The following RTN4 variants were observed in gnomAD, a reference collection of about 807,000 sequenced individuals.
RTN4 encodes the protein reticulon-4.
In RTN4, 32 loss-of-function variants were observed where a neutral mutation model predicts 90.4. That is an observed-to-expected ratio of 0.35 (90% CI 0.27 to 0.48). The LOEUF is 0.48. RTN4 is among the 20% of genes least tolerant of loss of function. RTN4 has a pLI of 0.99. For missense variants in RTN4, 1,706 were observed against 1,430.2 expected, an observed-to-expected ratio of 1.19 and a Z score of -3.11; for synonymous variants, 629 against 552.5, an observed-to-expected ratio of 1.14 and a Z score of -1.94.
At position 55,049,490 on chromosome 2, in the gene RTN4, A is replaced by G. The variant is rs1261511012; in HGVS notation, c.556+255T>C. The G allele has an allele frequency of 3.3e-5, 18 of 547,490 alleles. No homozygotes were observed. The Admixed American group carries it at 5.7e-4, about 17-fold the overall frequency. 33.9% of individuals were successfully genotyped at this position (547,490 alleles called of 1,614,324 possible). A position where few individuals can be genotyped will look rare whatever the true frequency, so the allele number is the denominator to read the frequency against. The stretch of plus-strand genomic sequence containing the variant: ...AGAATCCGTACGCTGGGCATCACAC[A>G]GGGTGAAAGTGGGAGCCGGGAGCGG... On this transcript the variant is annotated intron_variant, in intron 1 of 8. Transcript: ENST00000337526.
At chr2:54,980,484 TAA>T (rs1381440156) in intron 5 of RTN4, among the ~76,000 whole-genome samples, 3 of 152,250 alleles carry the variant, frequency 2.0e-5, no homozygotes, top group African/African-American at 7.2e-5. Flanking sequence ...AGATCAATTT[TAA>T]AAATAGATTT....
At chr2:55,129,839 G>A in the RTN4 span, among the ~76,000 whole-genome samples, 1 of 152,102 alleles carries the variant, frequency 6.6e-6, no homozygotes, top group African/African-American at 2.4e-5. Context: ...GCAATTACAG[G>A]CGTGAGCCAC....
At chr2:55,055,883 A>G (rs945312570) in intron 2 of RTN4, among the ~76,000 whole-genome samples, 5 of 152,080 alleles carry the variant, frequency 3.3e-5, no homozygotes, top group South Asian at 4.1e-4. Context: ...TCTAGTTTAC[A>G]TAAGAATGTA....
At chr2:55,003,726 A>T (rs1369218652) in intron 3 of RTN4, among the ~76,000 whole-genome samples, 2 of 152,232 alleles carry the variant, frequency 1.3e-5, no homozygotes, top group Non-Finnish European at 2.9e-5. Flanking sequence ...TGATGACTGC[A>T]TCTGTAACTA....
rs1668041375 is a variant in RTN4 at position 55,050,398 on chromosome 2, G to GGGCTGGGCC, written c.-107_-99dup. The GGGCTGGGCC allele has an allele frequency of 3.0e-6, 2 of 671,402 alleles. No homozygotes were observed. The highest frequency in any genetic ancestry group is 4.5e-6 in the Non-Finnish European group (2 of 446,230). The allele number at this position is 671,402 out of a possible 1,614,324, so 41.6% of individuals were successfully genotyped here. ...TGTGGGGGTTGGGGAGGACTGAGAG[G>GGGCTGGGCC]GGCTGGGCCGACTGAGCCGAGGGAC... On this transcript the variant is annotated 5_prime_UTR_variant, in exon 1 of 9. Transcript: ENST00000337526. This position sits in a 1 kb window ranked among gnomAD's most constrained non-coding sequence, Gnocchi z 4.6.
chr2:55,071,340 G>A (rs1173505511), intron 2 of RTN4, among the ~76,000 whole-genome samples: 7 of 151,664 alleles, frequency 4.6e-5, no homozygotes, highest in African/African-American at 7.3e-5. Flanking sequence ...CCTTCTGTAC[G>A]GGTGATTATA....
intron 1 of RTN4, among the ~76,000 whole-genome samples, chr2:55,032,449 ATAGAG>A (rs1682385153): frequency 3.3e-5 from 5 of 152,220 alleles, no homozygotes; most frequent in African/African-American, 1.2e-4. Context: ...AGACAGACAT[ATAGAG>A]TAGACAGGGA....
the RTN4 span, among the ~76,000 whole-genome samples, chr2:55,120,219 C>T: frequency 6.6e-5 from 10 of 152,336 alleles, no homozygotes; most frequent in East Asian, 1.9e-3. Flanking sequence ...GATGCTGAGG[C>T]CGAAGGAAGC....
intron 3 of RTN4, among the ~76,000 whole-genome samples, chr2:55,023,704 T>C (rs1195115776): frequency 6.6e-6 from 1 of 152,106 alleles, no homozygotes; most frequent in Non-Finnish European, 1.5e-5. Flanking sequence ...TTTTCTCCAA[T>C]AAAAATCTCA....
At chr2:55,102,861 G>C (rs2968815) in intron 1 of RTN4, among the ~76,000 whole-genome samples, 3 of 152,134 alleles carry the variant, frequency 2.0e-5, no homozygotes, top group Non-Finnish European at 4.4e-5. Context: ...GCTCACGCCT[G>C]TAATCCCAGC....
chr2:55,134,763 G>A, the RTN4 span, among the ~76,000 whole-genome samples: 19 of 152,200 alleles, frequency 1.2e-4, no homozygotes, highest in Admixed American at 2.0e-4. Flanking sequence ...TGGGCCCACC[G>A]AAAAGGGCTC....
chr2:55,066,726 A>T (rs1668401266), intron 2 of RTN4, among the ~76,000 whole-genome samples: 1 of 151,750 alleles, frequency 6.6e-6, no homozygotes, highest in South Asian at 2.1e-4. Context: ...ATAAATAAAT[A>T]AATAAAGCCT....
intron 1 of RTN4, among the ~76,000 whole-genome samples, chr2:55,101,578 C>A (rs949597001): frequency 3.3e-5 from 5 of 151,996 alleles, no homozygotes; most frequent in African/African-American, 1.2e-4. Context: ...ATCTTTAGAA[C>A]AATCAACAAA....
chr2:55,135,207 G>T, the RTN4 span, among the ~76,000 whole-genome samples: 16 of 99,754 alleles, frequency 1.6e-4, no homozygotes, highest in Admixed American at 3.5e-4. Context: ...TTGTTTTTTT[G>T]GTTTTTTTTT....
chr2:55,096,248 C>T (rs1234478015), intron 1 of RTN4, among the ~76,000 whole-genome samples: 1 of 152,044 alleles, frequency 6.6e-6, no homozygotes, highest in Non-Finnish European at 1.5e-5. Flanking sequence ...ATCGCTTGAA[C>T]CCGGGAGGCG....
upstream of RTN4, among the ~76,000 whole-genome samples, chr2:55,054,622 G>A (rs752147055): frequency 7.2e-5 from 11 of 152,274 alleles, no homozygotes; most frequent in African/African-American, 2.4e-4. Context: ...ACATATAGCA[G>A]GACGTGAACA....
chr2:55,013,622 G>A (rs61193936), intron 3 of RTN4, among the ~76,000 whole-genome samples: 27,135 of 100,840 alleles, frequency 0.27, 3,972 homozygotes, highest in Middle Eastern at 0.31. Flanking sequence ...GGGGGGGGAG[G>A]GTGTAGGGGG....
chr2:54,973,659 A>C, intron 7 of RTN4, 38 bp from the exon 8 acceptor site: 2 of 1,564,748 alleles, frequency 1.3e-6, no homozygotes, highest in Non-Finnish European at 1.8e-6. Flanking sequence ...ACCGTTGCTA[A>C]AGAATCTTAT....
intron 2 of RTN4, among the ~76,000 whole-genome samples, chr2:55,061,210 C>T (rs371576071): frequency 1.1e-4 from 16 of 152,046 alleles, no homozygotes; most frequent in African/African-American, 2.7e-4. Context: ...GGGTTACAGG[C>T]GCACGCCACC....
Sources: allele counts gnomAD v4.1 joint callset (sites outside exome capture counted in the v4.1 genomes callset), GRCh38; gene constraint gnomAD v4.1.1; non-coding constraint Gnocchi (gnomAD v3.1); transcripts MANE v1.5; gene names NCBI Gene and HGNC (gene_info 2026-07-23, HGNC 2026-07-21).